The following IL16 variants were observed in gnomAD, a reference collection of about 807,000 sequenced individuals.
IL16 encodes the protein interleukin 16.
A neutral mutation model predicts 110.1 loss-of-function variants in IL16; 67 were observed. That is an observed-to-expected ratio of 0.61 (90% CI 0.50 to 0.75). The LOEUF is 0.75. Ranked by LOEUF, IL16 falls within the 30% of genes least tolerant of loss-of-function variation. The probability of loss-of-function intolerance (pLI) is 0.00; values close to 1 mark genes in which losing one functional copy is unlikely to be tolerated. For missense variants in IL16, 1,545 were observed against 1,655.0 expected, an observed-to-expected ratio of 0.93 and a Z score of 1.15; for synonymous variants, 689 against 662.9, an observed-to-expected ratio of 1.04 and a Z score of -0.61.
rs534864821 is a variant in IL16, at chr15:81,289,628, T to TTTG, written c.1333-809_1333-807dup. 2.7e-3 allele frequency among the ~76,000 whole-genome samples: 417 copies of TTTG among 152,210 alleles called. 3 individuals are homozygous for TTTG. Among genetic ancestry groups the TTTG allele is most frequent in the African/African-American group, 9.4e-3 (390 of 41,530 alleles). ...TGTGCCCAGTTTTTAATCAGGTTGT[T>TTTG]TTGTTGTTGTTGTTGTTGCTGAGTT... is the stretch of plus-strand genomic sequence containing the variant. On this transcript the variant is annotated intron_variant, in intron 10 of 18. Coordinates refer to ENST00000683961, the MANE Select transcript of IL16 (RefSeq NM_172217.5).
chr15:81,237,709 A>G (rs992821969), intron 2 of IL16, among the ~76,000 whole-genome samples: 7 of 152,062 alleles, frequency 4.6e-5, no homozygotes, highest in South Asian at 4.2e-4. Context: ...ACCTGTTTGT[A>G]TATCTGAATG....
intron 15 of IL16, 111 bp downstream of exon 15, chr15:81,301,623 C>T: frequency 1.1e-6 from 1 of 871,632 alleles, no homozygotes; most frequent in Admixed American, 2.4e-5. Flanking sequence ...ACATCAGACC[C>T]AGGTTGCGTC....
intron 3 of IL16, among the ~76,000 whole-genome samples, chr15:81,261,009 T>G (rs28495786): frequency 0.055 from 8,319 of 152,304 alleles, 827 homozygotes; most frequent in African/African-American, 0.19. Context: ...TACCTATTTC[T>G]TCAATCATAG....
At chr15:81,221,900 A>G (rs867883425) in intron 1 of IL16, among the ~76,000 whole-genome samples, 1 of 152,314 alleles carries the variant, frequency 6.6e-6, no homozygotes, top group Non-Finnish European at 1.5e-5. Context: ...CAAATGGTGC[A>G]TTGGGATTAG....
chr15:81,237,635 C>G (rs538744063), intron 2 of IL16, among the ~76,000 whole-genome samples: 1 of 152,260 alleles, frequency 6.6e-6, no homozygotes, highest in East Asian at 1.9e-4. Flanking sequence ...CATTCTCACT[C>G]CTCTCTAAGG....
chr15:81,199,030 A>AAAT (rs1555411597), intron 1 of IL16, among the ~76,000 whole-genome samples: 39 of 104,142 alleles, frequency 3.7e-4, no homozygotes, highest in East Asian at 9.5e-4. Flanking sequence ...AAAAAAAAAA[A>AAAT]ATATATATAT....
chr15:81,218,888 T>C (rs1439514392), intron 1 of IL16, among the ~76,000 whole-genome samples: 1 of 152,154 alleles, frequency 6.6e-6, no homozygotes, highest in Non-Finnish European at 1.5e-5. Context: ...CCCATTCATA[T>C]ACATTTAGGT....
At chr15:81,290,790 C>T (rs1596039391) in intron 11 of IL16, among the ~76,000 whole-genome samples, 1 of 152,160 alleles carries the variant, frequency 6.6e-6, no homozygotes, top group Non-Finnish European at 1.5e-5. Context: ...AGGCTCTCTC[C>T]AGCTCCCGGT....
At chr15:81,208,821 T>C (rs1400995709) in intron 1 of IL16, among the ~76,000 whole-genome samples, 4 of 152,030 alleles carry the variant, frequency 2.6e-5, no homozygotes, top group Non-Finnish European at 5.9e-5. Context: ...TCTGCCGGGG[T>C]TGTGGTCTGA....
intron 9 of IL16, among the ~76,000 whole-genome samples, chr15:81,284,005 A>G (rs1445629516): frequency 7.9e-5 from 7 of 89,090 alleles, no homozygotes; most frequent in East Asian, 4.8e-4. Flanking sequence ...CCTGTCTCAG[A>G]AAAAAAAAAA....
intron 13 of IL16, among the ~76,000 whole-genome samples, chr15:81,297,659 A>G (rs947045229): frequency 2.0e-5 from 3 of 152,150 alleles, no homozygotes. Flanking sequence ...TGAGCAACCT[A>G]CTTTGCCTTT....
chr15:81,232,787 C>A (rs6495552), intron 2 of IL16, among the ~76,000 whole-genome samples: 136,310 of 152,178 alleles, frequency 0.9, 61,405 homozygotes, highest in African/African-American at 0.97. Flanking sequence ...AATTGTTGCC[C>A]CTTGTGTTTA....
At chr15:81,267,123 T>C (rs1040047026) in intron 4 of IL16, among the ~76,000 whole-genome samples, 8 of 152,096 alleles carry the variant, frequency 5.3e-5, no homozygotes, top group African/African-American at 1.4e-4. Context: ...TCCCTGAGGA[T>C]TGGGCTAGCG....
At chr15:81,301,562 G>A in intron 15 of IL16, 50 bp downstream of exon 15, 2 of 1,547,412 alleles carry the variant, frequency 1.3e-6, no homozygotes, top group East Asian at 4.5e-5. Context: ...TATTATGGCT[G>A]TGTGGCCACC....
At chr15:81,252,348 C>G (rs1897795943) in intron 2 of IL16, among the ~76,000 whole-genome samples, 1 of 152,138 alleles carries the variant, frequency 6.6e-6, no homozygotes, top group East Asian at 1.9e-4. Flanking sequence ...CAGAAAGTTT[C>G]ATGGGTAGCA....
chr15:81,268,566 TGGTTCTGCCTTGCGGCATCTCC>T (rs1898495042), intron 4 of IL16, among the ~76,000 whole-genome samples: 1 of 152,268 alleles, frequency 6.6e-6, no homozygotes, highest in Non-Finnish European at 1.5e-5. Flanking sequence ...CCCGGGATCC[TGGTTCTGCCTTGCGGCATCTCC>T]GATATCAGAG....
At chr15:81,183,229 C>T (rs762018180) in intron 1 of IL16, among the ~76,000 whole-genome samples, 2 of 152,166 alleles carry the variant, frequency 1.3e-5, no homozygotes, top group South Asian at 2.1e-4. Context: ...CCATGTGCCC[C>T]GGCTTCCTCT....
intron 1 of IL16, among the ~76,000 whole-genome samples, chr15:81,211,026 A>G (rs954250241): frequency 7.9e-5 from 12 of 151,858 alleles, no homozygotes; most frequent in Non-Finnish European, 1.8e-4. Context: ...TTAGATGCCT[A>G]GTGTGTTGAG....
intron 1 of IL16, among the ~76,000 whole-genome samples, chr15:81,186,544 C>G (rs1265230994): frequency 6.6e-6 from 1 of 152,224 alleles, no homozygotes; most frequent in Non-Finnish European, 1.5e-5. Flanking sequence ...ATCTGAACCA[C>G]CAGTCTTACC....
Sources: gnomAD v4.1 joint callset for allele counts (sites outside exome capture counted in the v4.1 genomes callset) on GRCh38, gnomAD v4.1.1 for gene constraint, MANE v1.5 for transcripts, NCBI Gene and HGNC (gene_info 2026-07-23, HGNC 2026-07-21) for gene names.